Variants in CSMD1 observed in about 807,000 individuals in gnomAD.
CSMD1 encodes the protein CUB and Sushi multiple domains 1.
CSMD1 carries 213 observed loss-of-function variants against 417.5 expected under a neutral mutation model. The observed-to-expected ratio is 0.51, with a 90% confidence interval of 0.46 to 0.57. CSMD1 has a LOEUF of 0.57. Ranked by LOEUF, CSMD1 falls within the 20% of genes least tolerant of loss-of-function variation. The pLI is 0.00. For synonymous variants in CSMD1, 2,862 were observed against 1,736.8 expected (o/e 1.65, Z -16.11); for missense variants, 6,923 against 4,529.7 (o/e 1.53, Z -15.17).
chr8:4,700,689 T>G (rs1041925097), intron 1 of CSMD1, among the ~76,000 whole-genome samples: 1 of 152,188 alleles, frequency 6.6e-6, no homozygotes, highest in African/African-American at 2.4e-5. Flanking sequence ...ATTCTACCTG[T>G]ATATGATATT....
In CSMD1 at chr8:4,712,188, T is replaced by C. The variant is rs546475665; in HGVS notation, c.86-74630A>G. Among the ~76,000 whole-genome samples the C allele has an allele frequency of 1.6e-4, 25 of 152,344 alleles. No individual in the cohort carries two copies. In the South Asian group the frequency reaches 4.8e-3, roughly 29 times the overall value. On this transcript the variant is annotated intron_variant, in intron 1 of 69. Transcript: ENST00000635120. ...TCTATTTCATTTCTTCAGGCTCAAA[T>C]GTCTGCGAATCCATTAGCTCTTGAC...
At chr8:4,840,790 C>G (rs1012766528) in intron 1 of CSMD1, among the ~76,000 whole-genome samples, 4 of 152,198 alleles carry the variant, frequency 2.6e-5, no homozygotes, top group African/African-American at 9.7e-5. Context: ...TGTCGTTATG[C>G]ACAGGGCTTT....
chr8:3,334,452 T>C (rs1325801205), intron 23 of CSMD1, among the ~76,000 whole-genome samples: 1 of 152,208 alleles, frequency 6.6e-6, no homozygotes. Flanking sequence ...TTAATGTTGA[T>C]GTCATTTTTA....
At chr8:4,898,368 C>G (rs1350197939) in intron 1 of CSMD1, among the ~76,000 whole-genome samples, 1 of 150,862 alleles carries the variant, frequency 6.6e-6, no homozygotes, top group Non-Finnish European at 1.5e-5. Context: ...CTGTGTCACA[C>G]CTGCCATTTT....
chr8:3,186,699 C>A (rs1821781648), intron 36 of CSMD1, among the ~76,000 whole-genome samples: 1 of 152,128 alleles, frequency 6.6e-6, no homozygotes, highest in African/African-American at 2.4e-5. Flanking sequence ...TATATTCCAG[C>A]CTCCCTTTGC....
At chr8:4,622,474 C>T (rs1470813295) in intron 2 of CSMD1, among the ~76,000 whole-genome samples, 1 of 152,104 alleles carries the variant, frequency 6.6e-6, no homozygotes, top group African/African-American at 2.4e-5. Context: ...TGCTGACTGG[C>T]ACATAATCAG....
chr8:4,360,575 C>T (rs75352059), intron 3 of CSMD1, among the ~76,000 whole-genome samples: 1 of 152,108 alleles, frequency 6.6e-6, no homozygotes. Context: ...CTGCAAGCTC[C>T]GCCTCCCAGG....
At chr8:4,354,486 C>G (rs1199462745) in intron 3 of CSMD1, among the ~76,000 whole-genome samples, 4 of 152,092 alleles carry the variant, frequency 2.6e-5, no homozygotes, top group Admixed American at 6.6e-5. Flanking sequence ...GGTGGAATGT[C>G]AGAGAGAAAA....
At chr8:4,107,839 C>A (rs552146352) in intron 3 of CSMD1, among the ~76,000 whole-genome samples, 1 of 152,322 alleles carries the variant, frequency 6.6e-6, no homozygotes, top group East Asian at 1.9e-4. Context: ...AAGAGACAGG[C>A]TGCACATTCT....
chr8:4,721,526 T>C (rs1248968659), intron 1 of CSMD1, among the ~76,000 whole-genome samples: 1 of 152,190 alleles, frequency 6.6e-6, no homozygotes, highest in Non-Finnish European at 1.5e-5. Flanking sequence ...ACCTCACATC[T>C]GTTAGTATGG....
intron 26 of CSMD1, among the ~76,000 whole-genome samples, chr8:3,260,648 T>C (rs966973025): frequency 2.2e-4 from 33 of 150,592 alleles, no homozygotes; most frequent in African/African-American, 7.8e-4. Context: ...TTTTTGACAA[T>C]CCCTTTCTTT....
At chr8:4,010,733 G>C (rs963847892) in intron 4 of CSMD1, among the ~76,000 whole-genome samples, 2 of 151,982 alleles carry the variant, frequency 1.3e-5, no homozygotes, top group Non-Finnish European at 2.9e-5. Context: ...CTCATCTCTT[G>C]TCTTACCATC....
At chr8:4,213,701 C>G (rs1800460066) in intron 3 of CSMD1, among the ~76,000 whole-genome samples, 1 of 152,134 alleles carries the variant, frequency 6.6e-6, no homozygotes, top group East Asian at 1.9e-4. Context: ...GGTGGGAAGC[C>G]GTGGGCTCCT....
intron 3 of CSMD1, among the ~76,000 whole-genome samples, chr8:4,319,897 A>G (rs1430300037): frequency 6.6e-6 from 1 of 152,152 alleles, no homozygotes; most frequent in Non-Finnish European, 1.5e-5. Context: ...CAGGCTACAG[A>G]AAGATCCACC....
At chr8:4,340,297 G>A (rs892677844) in intron 3 of CSMD1, among the ~76,000 whole-genome samples, 4 of 152,034 alleles carry the variant, frequency 2.6e-5, no homozygotes, top group African/African-American at 9.7e-5. Context: ...ATCTGTGTTT[G>A]CAAGGCATCT....
At chr8:4,561,894 C>G (rs1430223697) in intron 2 of CSMD1, among the ~76,000 whole-genome samples, 3 of 152,100 alleles carry the variant, frequency 2.0e-5, no homozygotes, top group Non-Finnish European at 4.4e-5. Flanking sequence ...GTCATGAAGC[C>G]AGAATCTCAA....
intron 59 of CSMD1, among the ~76,000 whole-genome samples, chr8:2,965,171 G>T (rs569304260): frequency 1.3e-5 from 2 of 152,226 alleles, no homozygotes; most frequent in East Asian, 1.9e-4. Flanking sequence ...CCCTGTCACT[G>T]TAAGAGCCAA....
chr8:3,441,434 T>C (rs916137613), intron 12 of CSMD1, among the ~76,000 whole-genome samples: 2 of 151,928 alleles, frequency 1.3e-5, no homozygotes, highest in Non-Finnish European at 2.9e-5. Context: ...TTTTGAAATA[T>C]TGAACAGTCT....
rs189538834 is a variant in CSMD1, at chr8:3,187,669, C to G, written c.5620+200G>C. Among the ~76,000 whole-genome samples, 7 of 152,258 alleles carry G rather than the reference C, an allele frequency of 4.6e-5. No individual in the cohort carries two copies. In the South Asian group the frequency reaches 1.5e-3, roughly 32 times the overall value. On this transcript the variant is annotated intron_variant, in intron 36 of 69. Transcript: ENST00000635120. ...GACACTTTTAGATTGGTCTCCTCCT[C>G]GTGGAGAACACAGCTTTGTTTTTAC...
Sources: gnomAD v4.1 joint callset for allele counts (sites outside exome capture counted in the v4.1 genomes callset) on GRCh38, gnomAD v4.1.1 for gene constraint, MANE v1.5 for transcripts, NCBI Gene and HGNC (gene_info 2026-07-23, HGNC 2026-07-21) for gene names.